Variants in FRMD3 observed in about 807,000 individuals in gnomAD.
FRMD3 encodes FERM domain containing 3.
FRMD3 carries 33 observed loss-of-function variants against 70.2 expected under a neutral mutation model. That is an observed-to-expected ratio of 0.47 (90% CI 0.36 to 0.63). The LOEUF (loss-of-function observed/expected upper bound fraction) is 0.63, where lower values mean the gene tolerates loss of function less well. FRMD3 is among the 20% of genes least tolerant of loss of function. The pLI, the probability that FRMD3 is intolerant of heterozygous loss-of-function variation, is 0.00. For missense variants in FRMD3, 632 were observed against 711.4 expected, an observed-to-expected ratio of 0.89 and a Z score of 1.27; for synonymous variants, 279 against 255.9, an observed-to-expected ratio of 1.09 and a Z score of -0.86.
chr9:83,502,661 G>A (rs1205315591), intron 1 of FRMD3, among the ~76,000 whole-genome samples: 2 of 152,148 alleles, frequency 1.3e-5, no homozygotes, highest in Admixed American at 6.5e-5. Context: ...CAGAGGCAAA[G>A]GGCAGCAGAG....
chr9:83,257,048 T>C (rs1832740156), intron 13 of FRMD3, among the ~76,000 whole-genome samples: 1 of 152,158 alleles, frequency 6.6e-6, no homozygotes, highest in Non-Finnish European at 1.5e-5. Context: ...TATAAATCAT[T>C]CTATTATAAA....
At chr9:83,568,099 T>C in the FRMD3 span, among the ~76,000 whole-genome samples, 4 of 152,218 alleles carry the variant, frequency 2.6e-5, no homozygotes, top group Non-Finnish European at 5.9e-5. Flanking sequence ...CTCAGAATCA[T>C]GGTAGGAGAT....
chr9:83,371,878 G>A (rs1264049911), intron 3 of FRMD3, among the ~76,000 whole-genome samples: 1 of 152,186 alleles, frequency 6.6e-6, no homozygotes, highest in Non-Finnish European at 1.5e-5. Flanking sequence ...AGGGAGAAAG[G>A]GACAGGGAGG....
At chr9:83,570,406 T>C in the FRMD3 span, among the ~76,000 whole-genome samples, 1 of 152,242 alleles carries the variant, frequency 6.6e-6, no homozygotes. Context: ...TATATTACTT[T>C]TGAACTACTG....
chr9:83,479,088 C>T (rs1390594657), intron 1 of FRMD3, among the ~76,000 whole-genome samples: 1 of 151,916 alleles, frequency 6.6e-6, no homozygotes, highest in Non-Finnish European at 1.5e-5. Flanking sequence ...ACAAACAACA[C>T]AGTACCAAAC....
intron 1 of FRMD3, among the ~76,000 whole-genome samples, chr9:83,443,143 A>C (rs889892456): frequency 6.6e-6 from 1 of 152,060 alleles, no homozygotes; most frequent in African/African-American, 2.4e-5. Context: ...TGGTGAGAGT[A>C]TGTTTCTTTT....
chr9:83,290,333 G>C (rs999669222), intron 13 of FRMD3, among the ~76,000 whole-genome samples: 1 of 152,096 alleles, frequency 6.6e-6, no homozygotes, highest in African/African-American at 2.4e-5. Context: ...TTAGTGTACT[G>C]GACTGGTGTA....
chr9:83,417,543 G>A (rs1202775773), intron 1 of FRMD3, among the ~76,000 whole-genome samples: 1 of 152,182 alleles, frequency 6.6e-6, no homozygotes, highest in Non-Finnish European at 1.5e-5. Flanking sequence ...TATAGAGAGT[G>A]AAAACAGTGA....
At chr9:83,456,302 A>G (rs1217523835) in intron 1 of FRMD3, among the ~76,000 whole-genome samples, 1 of 152,152 alleles carries the variant, frequency 6.6e-6, no homozygotes, top group African/African-American at 2.4e-5. Flanking sequence ...TGCTTGATTT[A>G]GCCTATTTCG....
At chr9:83,457,286 T>C (rs1827845395) in intron 1 of FRMD3, among the ~76,000 whole-genome samples, 1 of 152,184 alleles carries the variant, frequency 6.6e-6, no homozygotes. Context: ...ATATCAACAC[T>C]ATAGATGAGT....
chr9:83,260,784 G>A (rs1002586578), intron 13 of FRMD3, among the ~76,000 whole-genome samples: 2 of 152,032 alleles, frequency 1.3e-5, no homozygotes, highest in African/African-American at 4.8e-5. Flanking sequence ...ACAATAAGCA[G>A]CATGCAGACT....
chr9:83,422,491 C>T (rs554380389), intron 1 of FRMD3, among the ~76,000 whole-genome samples: 1 of 152,318 alleles, frequency 6.6e-6, no homozygotes, highest in South Asian at 2.1e-4. Context: ...GATGAAAACA[C>T]ATTTCTGAAG....
chr9:83,403,146 C>A (rs1039642163), intron 1 of FRMD3, among the ~76,000 whole-genome samples: 1 of 151,904 alleles, frequency 6.6e-6, no homozygotes, highest in African/African-American at 2.4e-5. Flanking sequence ...TCAGGTGATT[C>A]GCCTGCCTCA....
Position 83,246,338 on chromosome 9 carries a change from G to A in FRMD3, c.*1580C>T. The A allele has an allele frequency of 2.0e-6, 2 of 983,576 alleles. No individual in the cohort carries two copies. The highest frequency in any genetic ancestry group is 2.4e-6 in the Non-Finnish European group (2 of 828,388). The allele number at this position is 983,576 out of a possible 1,614,324, so 60.9% of individuals were successfully genotyped here. On this transcript the variant is annotated 3_prime_UTR_variant, in exon 14 of 14. Coordinates refer to ENST00000304195, the MANE Select transcript of FRMD3 (RefSeq NM_174938.6). ...CAGTATCAGCAGGTAGTCTGCATGG[G>A]AAGGCATCAGTACGTTGCTGATGGT... is the stretch of plus-strand genomic sequence containing the variant.
At chr9:83,523,514 G>A (rs1829625308) in intron 1 of FRMD3, among the ~76,000 whole-genome samples, 3 of 152,052 alleles carry the variant, frequency 2.0e-5, no homozygotes, top group African/African-American at 7.2e-5. Flanking sequence ...TTCTAACCCA[G>A]TAAACACACT....
intron 1 of FRMD3, among the ~76,000 whole-genome samples, chr9:83,435,242 TCAACACA>T (rs1827100125): frequency 1.3e-5 from 2 of 152,156 alleles, no homozygotes; most frequent in Admixed American, 1.3e-4. Flanking sequence ...TTCCTCTTAG[TCAACACA>T]CAGTGTGCAG....
At chr9:83,369,577 A>AAAATAATAAAT (rs374306822) in intron 3 of FRMD3, among the ~76,000 whole-genome samples, 28 of 142,120 alleles carry the variant, frequency 2.0e-4, no homozygotes, top group African/African-American at 7.2e-4. Context: ...ACTCTGTCTC[A>AAAATAATAAAT]AAATAAATAA....
chr9:83,391,806 A>T (rs1825673212), intron 1 of FRMD3, among the ~76,000 whole-genome samples: 1 of 152,214 alleles, frequency 6.6e-6, no homozygotes, highest in Non-Finnish European at 1.5e-5. Flanking sequence ...CCATGGTTCC[A>T]GACCACCAGG....
intron 1 of FRMD3, among the ~76,000 whole-genome samples, chr9:83,437,013 C>A (rs1213046880): frequency 6.6e-6 from 1 of 152,140 alleles, no homozygotes; most frequent in African/African-American, 2.4e-5. Flanking sequence ...ACCACAGCAA[C>A]CTCATCTGCA....
Sources: allele counts gnomAD v4.1 joint callset (sites outside exome capture counted in the v4.1 genomes callset), GRCh38; gene constraint gnomAD v4.1.1; transcripts MANE v1.5; gene names NCBI Gene and HGNC (gene_info 2026-07-23, HGNC 2026-07-21).